The following MBNL3 variants were observed in gnomAD, a reference collection of about 807,000 sequenced individuals.
The protein encoded by MBNL3 is muscleblind-like protein 3.
A neutral mutation model predicts 24.5 loss-of-function variants in MBNL3; 6 were observed. That is an observed-to-expected ratio of 0.25 (90% confidence interval 0.13 to 0.48). The LOEUF (loss-of-function observed/expected upper bound fraction) is 0.48, where lower values mean the gene tolerates loss of function less well. Among genes scored for constraint, MBNL3 ranks in the 20% least tolerant of loss-of-function variants. The probability of loss-of-function intolerance (pLI) is 0.99; values close to 1 mark genes in which losing one functional copy is unlikely to be tolerated. For missense variants in MBNL3, 230 were observed against 293.5 expected (o/e 0.78, Z 1.58); for synonymous variants, 100 against 101.7 (o/e 0.98, Z 0.10).
chrX:132,484,944 C>T (rs912353816), intron 1 of MBNL3, among the ~76,000 whole-genome samples: 6 of 110,174 alleles, frequency 5.4e-5, no homozygotes, highest in African/African-American at 2.0e-4. Context: ...CACACACACA[C>T]ACACACACAC....
At chrX:132,482,789 C>T (rs892147303) in intron 1 of MBNL3, among the ~76,000 whole-genome samples, 2 of 112,348 alleles carry the variant, frequency 1.8e-5, no homozygotes, top group Admixed American at 9.4e-5. Flanking sequence ...CCTCCCTTGA[C>T]GAGCCTGTCA....
Position 132,379,441 on chromosome X carries a change from G to A in MBNL3, c.*225C>T, listed in dbSNP as rs1024812611. The A allele has an allele frequency of 2.8e-6, 1 of 359,709 alleles. No homozygotes were observed. Among genetic ancestry groups the A allele is most frequent in the African/African-American group, 2.7e-5 (1 of 36,842 alleles). The allele number at this position is 359,709 out of a possible 1,213,427, so 29.6% of individuals were successfully genotyped here. A position where few individuals can be genotyped will look rare whatever the true frequency, so the allele number is the denominator to read the frequency against. ...TTCTGCTTGATAATTCAAATAGGAT[G>A]GATGGTAGTTACTAGTTTTCTATTT... On this transcript the variant is annotated 3_prime_UTR_variant, in exon 9 of 9. Transcript: ENST00000370853.
chrX:132,405,222 A>G (rs1941587427), intron 3 of MBNL3, among the ~76,000 whole-genome samples: 1 of 111,981 alleles, frequency 8.9e-6, no homozygotes, highest in Non-Finnish European at 1.9e-5. Context: ...GAAACCCTGT[A>G]GCTAAGTTAA....
At chrX:132,406,106 A>T in intron 3 of MBNL3, 122 bp downstream of exon 3, 1 of 791,195 alleles carries the variant, frequency 1.3e-6, no homozygotes, top group Non-Finnish European at 1.9e-6. Flanking sequence ...ACAGCTCTGT[A>T]GTGTCAATGA....
intron 2 of MBNL3, among the ~76,000 whole-genome samples, chrX:132,428,847 A>G (rs1453930715): frequency 7.1e-5 from 8 of 112,784 alleles, no homozygotes; most frequent in Admixed American, 3.7e-4. Flanking sequence ...TGATATAGAG[A>G]AAAAGACTTC....
chrX:132,429,245 C>T (rs1180895519), intron 2 of MBNL3, among the ~76,000 whole-genome samples: 1 of 112,678 alleles, frequency 8.9e-6, no homozygotes, highest in Non-Finnish European at 1.9e-5. Context: ...AATATTTCAG[C>T]TGATCTATGA....
chrX:132,454,384 G>C (rs550322415), intron 1 of MBNL3, among the ~76,000 whole-genome samples: 1 of 111,990 alleles, frequency 8.9e-6, no homozygotes, highest in Non-Finnish European at 1.9e-5. Context: ...AACTAAGGTA[G>C]CATCCATGTG....
chrX:132,371,639 T>G lies in MBNL3; in HGVS notation c.*8027A>C. ...ACATGAATAACTGGGAAAGAGAAAC[T>G]TCTAATAATGCATCTTAGAATATGC... On this transcript the variant is annotated 3_prime_UTR_variant, in exon 9 of 9. Transcript: ENST00000370853. 1 of 111,360 alleles carries G rather than the reference T, an allele frequency of 9.0e-6. No individual in the cohort carries two copies. Among genetic ancestry groups the G allele is most frequent in the Non-Finnish European group, 1.9e-5 (1 of 52,974 alleles). 9.2% of individuals were successfully genotyped at this position (111,360 alleles called of 1,213,427 possible). A position where few individuals can be genotyped will look rare whatever the true frequency, so the allele number is the denominator to read the frequency against.
chrX:132,384,415 G>T (rs1416314964), intron 7 of MBNL3, among the ~76,000 whole-genome samples: 1 of 112,178 alleles, frequency 8.9e-6, no homozygotes, highest in Non-Finnish European at 1.9e-5. Flanking sequence ...TATTTCAGTT[G>T]CTGTTGTTAG....
chrX:132,396,838 TCATATATA>T (rs1455391210), intron 3 of MBNL3, among the ~76,000 whole-genome samples: 3 of 53,621 alleles, frequency 5.6e-5, no homozygotes, highest in East Asian at 5.0e-4. Context: ...ATATATATAT[TCATATATA>T]CATATATATT....
At chrX:132,413,578 C>T in intron 2 of MBNL3, 1 of 1,115,851 alleles carries the variant, frequency 9.0e-7, no homozygotes, top group Non-Finnish European at 1.2e-6. Context: ...TCAGCCCCAG[C>T]TTACCTGATC....
chrX:132,403,280 T>A (rs1005262557), intron 3 of MBNL3, among the ~76,000 whole-genome samples: 1 of 111,913 alleles, frequency 8.9e-6, no homozygotes, highest in Non-Finnish European at 1.9e-5. Context: ...AAGAGGAACA[T>A]ATCAACCATC....
chrX:132,446,002 G>T (rs1440463570), intron 1 of MBNL3, among the ~76,000 whole-genome samples: 1 of 110,920 alleles, frequency 9.0e-6, no homozygotes, highest in Non-Finnish European at 1.9e-5. Flanking sequence ...GTGTCCATAT[G>T]TTCTCATTGT....
At chrX:132,379,778 C>G in intron 8 of MBNL3, 101 bp from the exon 9 acceptor site, 1 of 626,372 alleles carries the variant, frequency 1.6e-6, no homozygotes. Flanking sequence ...CCAGTTCTGT[C>G]TGTTAACAGT....
chrX:132,385,099 A>C (rs1207838280), intron 6 of MBNL3, among the ~76,000 whole-genome samples: 1 of 111,029 alleles, frequency 9.0e-6, no homozygotes, highest in Non-Finnish European at 1.9e-5. Context: ...ATCTGTTAAC[A>C]CTGTCTCCTC....
upstream of MBNL3, among the ~76,000 whole-genome samples, chrX:132,489,453 G>A (rs1056217174): frequency 7.2e-5 from 8 of 111,325 alleles, no homozygotes; most frequent in African/African-American, 2.6e-4. Context: ...GCTCCCGCCC[G>A]GGCTCGCAGC....
chrX:132,445,220 C>T (rs1945637893), intron 1 of MBNL3, among the ~76,000 whole-genome samples: 1 of 111,767 alleles, frequency 8.9e-6, no homozygotes, highest in Non-Finnish European at 1.9e-5. Flanking sequence ...TTTGGCTCTA[C>T]AAATATATGA....
intron 1 of MBNL3, among the ~76,000 whole-genome samples, chrX:132,445,377 C>A (rs1184819491): frequency 9.0e-6 from 1 of 110,583 alleles, no homozygotes; most frequent in Non-Finnish European, 1.9e-5. Flanking sequence ...AAGAGGTGCT[C>A]AGCACAGCAG....
At chrX:132,449,616 C>T (rs915527191) in intron 1 of MBNL3, among the ~76,000 whole-genome samples, 8 of 108,832 alleles carry the variant, frequency 7.4e-5, no homozygotes, top group African/African-American at 2.7e-4. Context: ...ATTTGCCAGT[C>T]TGTGTCTTTT....
Sources: allele counts gnomAD v4.1 joint callset (sites outside exome capture counted in the v4.1 genomes callset), GRCh38; gene constraint gnomAD v4.1.1; transcripts MANE v1.5; gene names NCBI Gene and HGNC (gene_info 2026-07-23, HGNC 2026-07-21).